Variants in DPYSL5 observed in about 807,000 individuals in gnomAD.
DPYSL5 encodes dihydropyrimidinase like 5, also known as dihydropyrimidinase-related protein 5.
Under a neutral mutation model 58.4 loss-of-function variants are expected in DPYSL5, and 9 were observed. That is an observed-to-expected ratio of 0.15 (90% confidence interval 0.09 to 0.27). The LOEUF (loss-of-function observed/expected upper bound fraction) is 0.27. DPYSL5 is among the 10% of genes least tolerant of loss of function. DPYSL5 has a pLI of 1.00. For synonymous variants in DPYSL5, 293 were observed against 301.9 expected (o/e 0.97, Z 0.31); for missense variants, 499 against 770.6 (o/e 0.65, Z 4.17).
At chr2:26,941,927 T>G in intron 9 of DPYSL5, 23 bp from the exon 10 acceptor site, 1 of 1,613,870 alleles carries the variant, frequency 6.2e-7, no homozygotes, top group Non-Finnish European at 8.5e-7. Context: ...CTGGTTGACT[T>G]GACACTTTCT....
chr2:26,943,755 A>G (rs1665386784), intron 11 of DPYSL5, among the ~76,000 whole-genome samples: 1 of 152,232 alleles, frequency 6.6e-6, no homozygotes, highest in Non-Finnish European at 1.5e-5. Flanking sequence ...ACAAAGCCAC[A>G]CAGTTTACAA....
At chr2:26,859,801 G>A (rs1001888993) in intron 1 of DPYSL5, among the ~76,000 whole-genome samples, 8 of 152,150 alleles carry the variant, frequency 5.3e-5, no homozygotes, top group Admixed American at 6.5e-5. Flanking sequence ...AGCCAGAAAT[G>A]GAAATGAATG....
chr2:26,924,898 C>T lies in DPYSL5; in HGVS notation c.273C>T (p.Val91=), dbSNP rs564541441. The change falls in exon 3 of 13, where the codon GTC becomes GTT. Residue 91 remains valine, a synonymous_variant. Transcript: ENST00000288699. The surrounding 1 kb of genome is among the most constrained non-coding windows in gnomAD (Gnocchi z 4.7). ...DFYHGTKAAL[V]GGTTMIIGHV... ...TCCCGTCTTCCCAGGCAGCACTCGT[C>T]GGAGGCACCACCATGATCATCGGCC... The T allele has an allele frequency of 1.2e-5, 19 of 1,613,804 alleles. No individual in the cohort carries two copies. The highest frequency in any genetic ancestry group is 9.9e-5 in the South Asian group (9 of 90,980).
chr2:26,865,854 A>G (rs535261583), intron 1 of DPYSL5, among the ~76,000 whole-genome samples: 42 of 152,228 alleles, frequency 2.8e-4, no homozygotes, highest in Non-Finnish European at 5.3e-4. Context: ...CAACACAGAT[A>G]TCTGTAACAC....
At chr2:26,915,520 C>T (rs1664539656) in intron 2 of DPYSL5, among the ~76,000 whole-genome samples, 1 of 152,192 alleles carries the variant, frequency 6.6e-6, no homozygotes, top group Non-Finnish European at 1.5e-5. Context: ...CCTTTGTCGG[C>T]CATCCCTGAC....
chr2:26,932,161 A>C (rs867902888), intron 6 of DPYSL5, among the ~76,000 whole-genome samples: 5 of 61,940 alleles, frequency 8.1e-5, no homozygotes, highest in Admixed American at 1.6e-4. Context: ...GAAAGAAAGA[A>C]AGAAAGAAAG....
At chr2:26,937,787 G>C (rs779189846) in intron 8 of DPYSL5, among the ~76,000 whole-genome samples, 2 of 143,718 alleles carry the variant, frequency 1.4e-5, no homozygotes, top group African/African-American at 2.5e-5. Flanking sequence ...TGTTGAGCCA[G>C]GGTCTCACTC....
Position 26,949,504 on chromosome 2 carries a change from G to A in DPYSL5, c.*2509G>A, listed in dbSNP as rs1323333308. 1 of 152,370 alleles carries A rather than the reference G, an allele frequency of 6.6e-6. No homozygotes were observed. Among genetic ancestry groups the A allele is most frequent in the Non-Finnish European group, 1.5e-5 (1 of 68,160 alleles). The allele number at this position is 152,370 out of a possible 1,614,324, so 9.4% of individuals were successfully genotyped here. A position where few individuals can be genotyped will look rare whatever the true frequency, so the allele number is the denominator to read the frequency against. On this transcript the variant is annotated 3_prime_UTR_variant, in exon 13 of 13. Coordinates refer to ENST00000288699, the MANE Select transcript of DPYSL5 (RefSeq NM_020134.4). ...TGCAGTGCACACCATCTCTATCCCT[G>A]TCAGCCCTCACTGGGTCATGGGCCT...
chr2:26,913,338 C>T (rs1162299343), intron 2 of DPYSL5, among the ~76,000 whole-genome samples: 1 of 152,176 alleles, frequency 6.6e-6, no homozygotes, highest in African/African-American at 2.4e-5. Flanking sequence ...CTCCAGGTCC[C>T]TCATATCAAT....
chr2:26,922,925 G>A (rs1664738634), intron 2 of DPYSL5, among the ~76,000 whole-genome samples: 3 of 152,198 alleles, frequency 2.0e-5, no homozygotes, highest in African/African-American at 7.2e-5. Context: ...TGTGCAAGCA[G>A]TCAAACCACT....
At chr2:26,870,990 A>C (rs186003441) in intron 1 of DPYSL5, among the ~76,000 whole-genome samples, 1 of 152,364 alleles carries the variant, frequency 6.6e-6, no homozygotes, top group East Asian at 1.9e-4. Flanking sequence ...TCAGTTCCTC[A>C]GTCATACGAA....
intron 1 of DPYSL5, among the ~76,000 whole-genome samples, chr2:26,867,640 A>G (rs1408427414): frequency 6.6e-6 from 1 of 151,572 alleles, no homozygotes; most frequent in Non-Finnish European, 1.5e-5. Context: ...TATTTTTAGT[A>G]GAGACGGGGT....
intron 6 of DPYSL5, among the ~76,000 whole-genome samples, chr2:26,932,165 A>AAGAC (rs1168719550): frequency 6.2e-5 from 4 of 64,970 alleles, no homozygotes; most frequent in African/African-American, 1.6e-4. Flanking sequence ...GAAAGAAAGA[A>AAGAC]AGAAAGAAAG....
rs552949034 is a variant in DPYSL5, at chr2:26,869,026, G to A, written c.-5+20772G>A. Among the ~76,000 whole-genome samples, 15 of 152,186 alleles carry A rather than the reference G, an allele frequency of 9.9e-5. No individual in the cohort carries two copies. The East Asian group carries it at 2.1e-3, about 22-fold the overall frequency. On this transcript the variant is annotated intron_variant, in intron 1 of 12. Transcript: ENST00000288699. ...CTTGCCCAGGCCGAAGTGTAGTAGC[G>A]CAGTCACAGCTCACTGCAGCCTCAA... is the stretch of plus-strand genomic sequence containing the variant.
At chr2:26,867,043 A>G (rs1373158193) in intron 1 of DPYSL5, among the ~76,000 whole-genome samples, 4 of 152,080 alleles carry the variant, frequency 2.6e-5, no homozygotes, top group African/African-American at 4.8e-5. Flanking sequence ...CTAAAAATTA[A>G]TGAGACTCTT....
rs1664800722 is a variant in DPYSL5 at position 26,925,237 on chromosome 2, G to A, written c.420+192G>A. Among the ~76,000 whole-genome samples the A allele has an allele frequency of 6.6e-6, 1 of 152,148 alleles. No homozygotes were observed. Among genetic ancestry groups the A allele is most frequent in the Non-Finnish European group, 1.5e-5 (1 of 68,032 alleles). On this transcript the variant is annotated intron_variant, in intron 3 of 12. Coordinates refer to ENST00000288699, the MANE Select transcript of DPYSL5 (RefSeq NM_020134.4). The surrounding 1 kb of genome is among the most constrained non-coding windows in gnomAD (Gnocchi z 4.5). ...ATGGGCTTGTGCTGCTTAACTTAATGAGCCATTTTCCGGCAGGCACAGAGA... is the reference window on the plus strand; with the variant it reads ...ATGGGCTTGTGCTGCTTAACTTAATAAGCCATTTTCCGGCAGGCACAGAGA...
At chr2:26,904,629 G>A (rs1047218314) in intron 2 of DPYSL5, among the ~76,000 whole-genome samples, 9 of 152,276 alleles carry the variant, frequency 5.9e-5, no homozygotes, top group South Asian at 2.1e-4. Context: ...CGTGCCAGGC[G>A]CTGTGGCTCA....
At chr2:26,887,324 C>T (rs1373083469) in intron 1 of DPYSL5, among the ~76,000 whole-genome samples, 1 of 152,174 alleles carries the variant, frequency 6.6e-6, no homozygotes, top group Non-Finnish European at 1.5e-5. Context: ...CCATCCTGGC[C>T]CCAAGTTCCT....
intron 1 of DPYSL5, among the ~76,000 whole-genome samples, chr2:26,892,794 A>AGAGAGAGAGAGAGAAT (rs1286252749): frequency 5.6e-5 from 8 of 143,118 alleles, no homozygotes; most frequent in African/African-American, 8.1e-5. Context: ...AGAGAGAGAG[A>AGAGAGAGAGAGAGAAT]ATGCATCTCA....
Sources: gnomAD v4.1 joint callset for allele counts (sites outside exome capture counted in the v4.1 genomes callset) on GRCh38, gnomAD v4.1.1 for gene constraint, Gnocchi (gnomAD v3.1) non-coding constraint, MANE v1.5 for transcripts, NCBI Gene and HGNC (gene_info 2026-07-23, HGNC 2026-07-21) for gene names.